The following CDKL2 variants were observed in gnomAD, a reference collection of about 807,000 sequenced individuals.
CDKL2 encodes cyclin dependent kinase like 2.
CDKL2 carries 64 observed loss-of-function variants against 63.9 expected under a neutral mutation model. The ratio of observed to expected loss-of-function variants is 1.00; its 90% CI spans 0.82 to 1.23. The LOEUF (loss-of-function observed/expected upper bound fraction) is 1.23. CDKL2 is among the 50% of genes most tolerant of loss of function. CDKL2 has a pLI of 0.00. For missense variants in CDKL2, 656 were observed against 668.0 expected, an observed-to-expected ratio of 0.98 and a Z score of 0.20; for synonymous variants, 211 against 229.2, an observed-to-expected ratio of 0.92 and a Z score of 0.72.
chr4:75,627,865 C>G (rs886748290), intron 1 of CDKL2, among the ~76,000 whole-genome samples: 1 of 149,954 alleles, frequency 6.7e-6, no homozygotes. Context: ...GGCACCGCTA[C>G]CACGCCCAGC....
Position 75,588,071 on chromosome 4 carries a change from G to A in CDKL2, c.1647+3748C>T, listed in dbSNP as rs181530628. Among the ~76,000 whole-genome samples, 680 of 151,656 alleles carry A rather than the reference G, an allele frequency of 4.5e-3. 1 individual carries two copies. Among genetic ancestry groups the A allele is most frequent in the African/African-American group, 0.015 (625 of 41,332 alleles). The stretch of plus-strand genomic sequence containing the variant: ...CTCTACTAAAAATACAAAATTAGCC[G>A]GGCGTGGTGGTGCACGCCTGTAATC... On this transcript the variant is annotated intron_variant, in intron 12 of 13. Coordinates refer to ENST00000307465, the MANE Select transcript of CDKL2 (RefSeq NM_001330724.2).
chr4:75,603,439 A>T (rs1185000899), intron 6 of CDKL2, among the ~76,000 whole-genome samples: 1 of 151,744 alleles, frequency 6.6e-6, no homozygotes. Flanking sequence ...GACCTAAAAG[A>T]TCAACTAGAG....
At chr4:75,608,122 C>T (rs1274704608) in intron 3 of CDKL2, among the ~76,000 whole-genome samples, 4 of 88,120 alleles carry the variant, frequency 4.5e-5, no homozygotes, top group Admixed American at 1.7e-4. Context: ...GGCCAAAAAC[C>T]TTTTTTTTTT....
At chr4:75,590,025 G>C (rs903581147) in intron 12 of CDKL2, among the ~76,000 whole-genome samples, 2 of 151,602 alleles carry the variant, frequency 1.3e-5, no homozygotes, top group Non-Finnish European at 2.9e-5. Context: ...CTCATAGCCA[G>C]GTGTGTTGGT....
At chr4:75,585,334 C>T (rs1033379611) in intron 12 of CDKL2, among the ~76,000 whole-genome samples, 1 of 151,946 alleles carries the variant, frequency 6.6e-6, no homozygotes, top group African/African-American at 2.4e-5. Context: ...CCCAGCTACT[C>T]AAGAGGCTCA....
intron 3 of CDKL2, among the ~76,000 whole-genome samples, chr4:75,608,003 G>A (rs1472736435): frequency 4.0e-5 from 6 of 151,612 alleles, no homozygotes; most frequent in Non-Finnish European, 7.4e-5. Context: ...TAGTACAGAC[G>A]GCGTTTCACC....
chr4:75,623,366 T>C (rs1377208916), intron 2 of CDKL2, among the ~76,000 whole-genome samples: 2 of 152,114 alleles, frequency 1.3e-5, no homozygotes, highest in Non-Finnish European at 2.9e-5. Flanking sequence ...GAATAAAATC[T>C]TACCTATATA....
chr4:75,580,909 C>G, intron 13 of CDKL2, among the ~76,000 whole-genome samples: 1 of 151,494 alleles, frequency 6.6e-6, no homozygotes, highest in East Asian at 2.0e-4. Flanking sequence ...ACCGTGTTAG[C>G]CAGGATGGTC....
chr4:75,600,535 C>T lies in CDKL2; in HGVS notation c.796-166G>A, dbSNP rs909691932. 5.9e-5 allele frequency among the ~76,000 whole-genome samples: 9 copies of T among 151,942 alleles called. No homozygotes were observed. The East Asian group carries it at 9.7e-4, about 16-fold the overall frequency. On this transcript the variant is annotated intron_variant, in intron 6 of 13. Coordinates refer to ENST00000307465, the MANE Select transcript of CDKL2 (RefSeq NM_001330724.2). ...TGCAGTGGTGTGATCACTACTTAAC[C>T]GCAGCCTTGACCTCTCTAGGCTCAG...
rs1728519735 is a variant in CDKL2, at chr4:75,587,362, G to T, written c.1647+4457C>A. ...CCAGTAACTCGGGAGGCTGAGGCAG[G>T]AGAATCGCTTAATCCCAGGAGGTAG... On this transcript the variant is annotated intron_variant, in intron 12 of 13. Transcript: ENST00000307465. Among the ~76,000 whole-genome samples the T allele has an allele frequency of 1.3e-5, 2 of 152,262 alleles. 1 individual carries two copies. Among genetic ancestry groups the T allele is most frequent in the South Asian group, 4.1e-4 (2 of 4,820 alleles).
intron 2 of CDKL2, among the ~76,000 whole-genome samples, chr4:75,618,863 G>T (rs1010232677): frequency 6.2e-4 from 95 of 152,118 alleles, no homozygotes; most frequent in African/African-American, 2.1e-3. Context: ...AAAATGAACA[G>T]AAATAAACGA....
chr4:75,597,644 G>A (rs1476760955), intron 8 of CDKL2, among the ~76,000 whole-genome samples: 1 of 152,190 alleles, frequency 6.6e-6, no homozygotes, highest in Non-Finnish European at 1.5e-5. Context: ...ATCAAGAACA[G>A]ATCCTGGGTA....
At chr4:75,629,169 T>A (rs1329405072) in intron 1 of CDKL2, among the ~76,000 whole-genome samples, 2 of 152,228 alleles carry the variant, frequency 1.3e-5, no homozygotes, top group East Asian at 3.8e-4. Context: ...AGCACTAGGC[T>A]TTAGGTTTAT....
intron 7 of CDKL2, among the ~76,000 whole-genome samples, chr4:75,599,375 AAC>A (rs1729077599): frequency 6.6e-6 from 1 of 152,026 alleles, no homozygotes; most frequent in South Asian, 2.1e-4. Flanking sequence ...CAGCCTGACC[AAC>A]ACAGAGAAAC....
At chr4:75,585,977 A>AT (rs1441315874) in intron 12 of CDKL2, among the ~76,000 whole-genome samples, 2 of 152,114 alleles carry the variant, frequency 1.3e-5, no homozygotes, top group Non-Finnish European at 2.9e-5. Flanking sequence ...AAGAATATAC[A>AT]TTTTTTCAAG....
In CDKL2 at chr4:75,597,083, T is replaced by C. The variant is rs775532568; in HGVS notation, c.1174A>G (p.Thr392Ala). The C allele has an allele frequency of 8.7e-6, 14 of 1,614,068 alleles. No individual in the cohort carries two copies. The highest frequency in any genetic ancestry group is 1.3e-5 in the African/African-American group (1 of 74,926). ...RTSHNKIVPS[T>A]SLKDCSNVSV... ...ACATTGCTGCAGTCTTTGAGGCTTG[T>C]TGAAGGCACTATTTTGTTGTGGCTT... is the stretch of plus-strand genomic sequence containing the variant. The change falls in exon 9 of 14, where the codon ACA becomes GCA. Residue 392 changes from threonine to alanine, a missense_variant. Thr to Ala is a moderately conservative substitution (Grantham distance 58). Transcript: ENST00000307465.
At chr4:75,615,412 G>GA (rs1283997987) in intron 2 of CDKL2, among the ~76,000 whole-genome samples, 2 of 152,056 alleles carry the variant, frequency 1.3e-5, no homozygotes, top group Non-Finnish European at 2.9e-5. Context: ...ACACTCACCA[G>GA]AAAAAAATGT....
chr4:75,603,516 G>C (rs1277891849), intron 6 of CDKL2, among the ~76,000 whole-genome samples: 16 of 150,308 alleles, frequency 1.1e-4, no homozygotes, highest in African/African-American at 3.6e-4. Flanking sequence ...GGATCACGAG[G>C]TCAGGAGATT....
At chr4:75,610,349 T>C (rs1428719634) in intron 3 of CDKL2, among the ~76,000 whole-genome samples, 1 of 152,156 alleles carries the variant, frequency 6.6e-6, no homozygotes, top group African/African-American at 2.4e-5. Flanking sequence ...CTAAAGTGCA[T>C]GATCACCATG....
Sources: gnomAD v4.1 joint callset for allele counts (sites outside exome capture counted in the v4.1 genomes callset) on GRCh38, gnomAD v4.1.1 for gene constraint, MANE v1.5 for transcripts, NCBI Gene and HGNC (gene_info 2026-07-23, HGNC 2026-07-21) for gene names.